GABRB1: variants seen among roughly 807,000 people sequenced by gnomAD.
The protein encoded by GABRB1 is gamma-aminobutyric acid type A receptor subunit beta1.
Under a neutral mutation model 51.6 loss-of-function variants are expected in GABRB1, and 17 were observed. That is an observed-to-expected ratio of 0.33 (90% CI 0.23 to 0.49). GABRB1 has a LOEUF of 0.49. Among genes scored for constraint, GABRB1 ranks in the 20% least tolerant of loss-of-function variants. GABRB1 has a pLI of 0.99. For synonymous variants in GABRB1, 247 were observed against 218.9 expected, an observed-to-expected ratio of 1.13 and a Z score of -1.14; for missense variants, 410 against 600.6, an observed-to-expected ratio of 0.68 and a Z score of 3.32.
chr4:47,296,256 C>T lies in GABRB1; in HGVS notation c.462-23871C>T, dbSNP rs182228849. On this transcript the variant is annotated intron_variant, in intron 4 of 8. Transcript: ENST00000295454. Reference sequence around the variant, plus strand: ...ATGACAGGATCAAATTCACACATAACAATATTAACCTTAAATGTAAATGAG... The same window carrying T: ...ATGACAGGATCAAATTCACACATAATAATATTAACCTTAAATGTAAATGAG... Among the ~76,000 whole-genome samples the T allele has an allele frequency of 4.3e-3, 660 of 152,176 alleles. 6 individuals carry two copies. The highest frequency in any genetic ancestry group is 0.015 in the African/African-American group (629 of 41,500).
intron 3 of GABRB1, among the ~76,000 whole-genome samples, chr4:47,068,113 A>G (rs1727164002): frequency 6.6e-6 from 1 of 152,132 alleles, no homozygotes; most frequent in African/African-American, 2.4e-5. Context: ...AACCTCATGA[A>G]CCAACCTTTG....
At chr4:47,314,330 T>C (rs1473707458) in intron 4 of GABRB1, among the ~76,000 whole-genome samples, 1 of 152,018 alleles carries the variant, frequency 6.6e-6, no homozygotes, top group Non-Finnish European at 1.5e-5. Context: ...TAAGTACCCA[T>C]ACACATGAGA....
intron 3 of GABRB1, among the ~76,000 whole-genome samples, chr4:47,125,103 G>A (rs1716055813): frequency 6.6e-6 from 1 of 152,052 alleles, no homozygotes; most frequent in Admixed American, 6.6e-5. Context: ...CACATAAAAG[G>A]GCATTTTCAT....
intron 4 of GABRB1, among the ~76,000 whole-genome samples, chr4:47,280,486 TTA>T (rs755554530): frequency 2.0e-5 from 3 of 149,756 alleles, no homozygotes; most frequent in South Asian, 2.1e-4. Flanking sequence ...ATATATATAT[TTA>T]TATATATATA....
chr4:47,211,670 A>G (rs568566830), intron 4 of GABRB1, among the ~76,000 whole-genome samples: 26 of 152,300 alleles, frequency 1.7e-4, no homozygotes, highest in African/African-American at 6.0e-4. Flanking sequence ...CACATTTCTC[A>G]TCAAACAGCT....
chr4:47,048,544 T>C (rs1726200105), intron 3 of GABRB1, among the ~76,000 whole-genome samples: 1 of 152,184 alleles, frequency 6.6e-6, no homozygotes, highest in African/African-American at 2.4e-5. Context: ...CAAGTCTATC[T>C]GTACTTTTGT....
At chr4:47,044,537 T>C (rs1045319721) in intron 3 of GABRB1, among the ~76,000 whole-genome samples, 1 of 152,102 alleles carries the variant, frequency 6.6e-6, no homozygotes, top group Non-Finnish European at 1.5e-5. Context: ...ATTTCTGCTT[T>C]ACCTGTTTCA....
intron 5 of GABRB1, among the ~76,000 whole-genome samples, chr4:47,351,091 T>C (rs569184635): frequency 1.3e-5 from 2 of 152,232 alleles, no homozygotes; most frequent in Admixed American, 6.5e-5. Flanking sequence ...CACTGGGCTC[T>C]GCAGCCATTT....
At chr4:47,291,429 G>C (rs1009196336) in intron 4 of GABRB1, among the ~76,000 whole-genome samples, 2 of 152,116 alleles carry the variant, frequency 1.3e-5, no homozygotes, top group Non-Finnish European at 2.9e-5. Context: ...TGGTGTCGGA[G>C]CCCCCCGACC....
rs1056494329 is a variant in GABRB1 at position 47,186,023 on chromosome 4, T to C, written c.461+24554T>C. Among the ~76,000 whole-genome samples the C allele has an allele frequency of 2.0e-5, 3 of 151,816 alleles. No homozygotes were observed. In the Admixed American group the frequency reaches 2.0e-4, roughly 10 times the overall value. ...AACATAAAGTGATGTTCAAAACTGG[T>C]CATAACTGGCCTATATATAGCTTTT... On this transcript the variant is annotated intron_variant, in intron 4 of 8. Coordinates refer to ENST00000295454, the MANE Select transcript of GABRB1 (RefSeq NM_000812.4).
chr4:47,107,427 T>G (rs180701999), intron 3 of GABRB1, among the ~76,000 whole-genome samples: 21 of 152,168 alleles, frequency 1.4e-4, no homozygotes, highest in African/African-American at 5.1e-4. Flanking sequence ...CTGTGATTTT[T>G]TTTCAATATT....
intron 4 of GABRB1, among the ~76,000 whole-genome samples, chr4:47,305,135 T>C (rs1188135342): frequency 6.6e-6 from 1 of 152,110 alleles, no homozygotes; most frequent in Non-Finnish European, 1.5e-5. Flanking sequence ...GCTTAGACTA[T>C]TCGATGTGTA....
intron 4 of GABRB1, among the ~76,000 whole-genome samples, chr4:47,260,560 G>T (rs1471130792): frequency 2.0e-5 from 3 of 152,110 alleles, no homozygotes; most frequent in African/African-American, 7.2e-5. Flanking sequence ...TGTCTGTAAA[G>T]TATTTTATTT....
chr4:47,388,913 T>C (rs1424734918), intron 5 of GABRB1, among the ~76,000 whole-genome samples: 1 of 152,052 alleles, frequency 6.6e-6, no homozygotes, highest in Non-Finnish European at 1.5e-5. Flanking sequence ...AACACAGAGG[T>C]GGGCAAGGAT....
At chr4:47,162,165 T>A (rs1412300243) in intron 4 of GABRB1, among the ~76,000 whole-genome samples, 1 of 152,074 alleles carries the variant, frequency 6.6e-6, no homozygotes, top group Admixed American at 6.6e-5. Context: ...TAAAATAAAC[T>A]AACAGTTCCC....
At chr4:47,140,458 A>G (rs1716885932) in intron 3 of GABRB1, among the ~76,000 whole-genome samples, 1 of 151,988 alleles carries the variant, frequency 6.6e-6, no homozygotes, top group Admixed American at 6.6e-5. Context: ...GGAAATCTAG[A>G]AAATCCCAAA....
rs1728474963 is a variant in GABRB1 at position 47,403,665 on chromosome 4, G to A, written c.789G>A (p.Val263=). ...CACTGATTACAATTCTGTCCTGGGT[G>A]TCTTTTTGGATCAACTATGATGCAT... The part of the protein sequence containing the change: ...PSTLITILSW[V]SFWINYDASA... Residue 263 remains valine (V), a synonymous_variant, in exon 7 of 9, where the codon GTG becomes GTA. Coordinates refer to ENST00000295454, the MANE Select transcript of GABRB1 (RefSeq NM_000812.4). 6 of 1,613,712 alleles carry A rather than the reference G, an allele frequency of 3.7e-6. No homozygotes were observed. Among genetic ancestry groups the A allele is most frequent in the African/African-American group, 1.3e-5 (1 of 75,056 alleles).
chr4:47,213,672 G>A (rs1395150801), intron 4 of GABRB1, among the ~76,000 whole-genome samples: 1 of 152,040 alleles, frequency 6.6e-6, no homozygotes, highest in African/African-American at 2.4e-5. Flanking sequence ...TTTTGGAGGA[G>A]AACATTTATC....
In GABRB1 at chr4:47,191,617, T is replaced by C. The variant is rs545450568; in HGVS notation, c.461+30148T>C. Among the ~76,000 whole-genome samples, 12 of 152,272 alleles carry C rather than the reference T, an allele frequency of 7.9e-5. No homozygotes were observed. The East Asian group carries it at 2.3e-3, about 29-fold the overall frequency. The stretch of plus-strand genomic sequence containing the variant: ...AATTGTTAGTGCCCTTAGATAACAG[T>C]GTTTTCACTCAGATGATGGAAATGA... On this transcript the variant is annotated intron_variant, in intron 4 of 8. Transcript: ENST00000295454.
Sources: allele counts gnomAD v4.1 joint callset (sites outside exome capture counted in the v4.1 genomes callset), GRCh38; gene constraint gnomAD v4.1.1; transcripts MANE v1.5; gene names NCBI Gene and HGNC (gene_info 2026-07-23, HGNC 2026-07-21).